VEGFC: variants seen among roughly 807,000 people sequenced by gnomAD.
VEGFC encodes the protein vascular endothelial growth factor C.
In VEGFC, 12 loss-of-function variants were observed where a neutral mutation model predicts 46.1. The ratio of observed to expected loss-of-function variants is 0.26; its 90% confidence interval spans 0.17 to 0.42. VEGFC has a LOEUF of 0.42. Ranked by LOEUF, VEGFC falls within the 10% of genes least tolerant of loss-of-function variation. The pLI is 1.00. For missense variants in VEGFC, 488 were observed against 529.4 expected (o/e 0.92, Z 0.77); for synonymous variants, 232 against 195.5 (o/e 1.19, Z -1.56).
rs1421237635 is a variant in VEGFC at position 176,740,516 on chromosome 4, TAG to T, written c.148-10772_148-10771del. Among the ~76,000 whole-genome samples the T allele has an allele frequency of 3.6e-4, 8 of 22,122 alleles. No individual in the cohort carries two copies. In the Non-Finnish European group the frequency reaches 6.5e-3, roughly 18 times the overall value. 14.5% of individuals were successfully genotyped at this position (22,122 alleles called of 152,430 possible). Reference sequence around the variant, plus strand: ...TATATATAACTATATATTCTATATATAGAGAGTATATATAACTATATATAGAA... The same window carrying T: ...TATATATAACTATATATTCTATATATAGAGTATATATAACTATATATAGAA... On this transcript the variant is annotated intron_variant, in intron 1 of 6. Transcript: ENST00000618562.
At chr4:176,693,927 G>A (rs1734257991) in intron 4 of VEGFC, among the ~76,000 whole-genome samples, 2 of 151,566 alleles carry the variant, frequency 1.3e-5, no homozygotes, top group African/African-American at 4.9e-5. Flanking sequence ...ACAAGCAAAT[G>A]CTGAGAGATT....
intron 4 of VEGFC, among the ~76,000 whole-genome samples, chr4:176,697,296 C>G (rs1734333790): frequency 6.7e-6 from 1 of 148,500 alleles, no homozygotes; most frequent in Non-Finnish European, 1.5e-5. Context: ...AAGAAAAAAA[C>G]AAACAACCCC....
At position 176,683,554 on chromosome 4, in the gene VEGFC, A is replaced by C; in HGVS notation, c.*372T>G. 2 of 162,554 alleles carry C rather than the reference A, an allele frequency of 1.2e-5. No homozygotes were observed. Among genetic ancestry groups the C allele is most frequent in the Non-Finnish European group, 2.7e-5 (2 of 74,424 alleles). The allele number at this position is 162,554 out of a possible 1,614,324, so 10.1% of individuals were successfully genotyped here. On this transcript the variant is annotated 3_prime_UTR_variant, in exon 7 of 7. Coordinates refer to ENST00000618562, the MANE Select transcript of VEGFC (RefSeq NM_005429.5). ...CTTAGCAGCTTATAATACAATTTTCATTTTATTTTAAACATATTTTGCATG... is the reference window on the plus strand; with the variant it reads ...CTTAGCAGCTTATAATACAATTTTCCTTTTATTTTAAACATATTTTGCATG...
At chr4:176,746,979 C>T (rs977251826) in intron 1 of VEGFC, among the ~76,000 whole-genome samples, 1 of 152,068 alleles carries the variant, frequency 6.6e-6, no homozygotes, top group African/African-American at 2.4e-5. Context: ...TAAGAATATG[C>T]AGATAGGGAG....
intron 4 of VEGFC, among the ~76,000 whole-genome samples, chr4:176,700,040 T>G (rs1252700335): frequency 6.6e-6 from 1 of 152,206 alleles, no homozygotes; most frequent in Non-Finnish European, 1.5e-5. Context: ...GTGAGTAGGA[T>G]GAATCAATGA....
chr4:176,710,141 G>T (rs1169061091), intron 4 of VEGFC, among the ~76,000 whole-genome samples: 1 of 152,156 alleles, frequency 6.6e-6, no homozygotes, highest in Admixed American at 6.5e-5. Flanking sequence ...CAAAGCAATA[G>T]AAGATAGATT....
Position 176,687,414 on chromosome 4 carries a change from G to A in VEGFC, c.918C>T (p.Pro306=), listed in dbSNP as rs1579083054. The change falls in exon 6 of 7, where the codon CCC becomes CCT. Residue 306 remains proline (P), a synonymous_variant. Coordinates refer to ENST00000618562, the MANE Select transcript of VEGFC (RefSeq NM_005429.5). ...RAGLRPASCG[P]HKELDRNSCQ... is the part of the protein sequence containing the mutation. ...ATGAGTTTCTGTCTAGTTCTTTGTG[G>A]GGTCCACAGCTGGCAGGCCGAAGCC... The A allele has an allele frequency of 6.2e-7, 1 of 1,614,064 alleles. No homozygotes were observed. Among genetic ancestry groups the A allele is most frequent in the Non-Finnish European group, 8.5e-7 (1 of 1,180,000 alleles).
At position 176,727,922 on chromosome 4, in the gene VEGFC, C is replaced by T; in HGVS notation, c.408G>A (p.Val136=). 5 of 1,613,304 alleles carry T rather than the reference C, an allele frequency of 3.1e-6. No homozygotes were observed. The highest frequency in any genetic ancestry group is 1.7e-5 in the Admixed American group (1 of 59,912). Residue 136 remains valine, a synonymous_variant, in exon 3 of 7, where the codon GTG becomes GTA. Coordinates refer to ENST00000618562, the MANE Select transcript of VEGFC (RefSeq NM_005429.5). ...CAAACTCCTTCCCCACATCTATACA[C>T]ACCTCCCGTGGCATGCATTGAGTCT... ...WRKTQCMPRE[V]CIDVGKEFGV...
intron 1 of VEGFC, among the ~76,000 whole-genome samples, chr4:176,791,756 G>A (rs1165413074): frequency 6.6e-6 from 1 of 152,162 alleles, no homozygotes; most frequent in African/African-American, 2.4e-5. Context: ...TGGGTTGACT[G>A]ATCACCAGTG....
chr4:176,759,327 A>G (rs898537630), intron 1 of VEGFC, among the ~76,000 whole-genome samples: 4 of 136,642 alleles, frequency 2.9e-5, no homozygotes, highest in African/African-American at 6.2e-5. Context: ...AAAGATGAAT[A>G]AAACTAAAGG....
intron 1 of VEGFC, among the ~76,000 whole-genome samples, chr4:176,733,670 C>T (rs1579112203): frequency 6.6e-6 from 1 of 151,836 alleles, no homozygotes; most frequent in East Asian, 1.9e-4. Flanking sequence ...TGTATCTTGA[C>T]TGTGGGGATG....
rs551523763 is a variant in VEGFC, at chr4:176,792,707, A to G, written c.-396T>C. 2,807 of 155,310 alleles carry G rather than the reference A, an allele frequency of 0.018. 72 individuals are homozygous for G. Among genetic ancestry groups the G allele is most frequent in the African/African-American group, 0.064 (2,645 of 41,428 alleles). The allele number at this position is 155,310 out of a possible 1,614,324, so 9.6% of individuals were successfully genotyped here. On this transcript the variant is annotated 5_prime_UTR_variant, in exon 1 of 7. Transcript: ENST00000618562. The surrounding 1 kb of genome is among the most constrained non-coding windows in gnomAD (Gnocchi z 6.3). ...GATGTTCAGCCCCTCCAAACCCGCC[A>G]GAGCCCTCGTCCCCCTCCTCCCTCC...
chr4:176,787,702 T>C (rs1001674084), intron 1 of VEGFC, among the ~76,000 whole-genome samples: 2 of 151,356 alleles, frequency 1.3e-5, no homozygotes, highest in Non-Finnish European at 2.9e-5. Context: ...ACATAAACTC[T>C]GAAAAAAAAA....
intron 1 of VEGFC, among the ~76,000 whole-genome samples, chr4:176,737,922 T>C (rs1735083862): frequency 6.6e-6 from 1 of 151,836 alleles, no homozygotes; most frequent in African/African-American, 2.4e-5. Context: ...TTAATGGTTG[T>C]GATGGTGATA....
intron 6 of VEGFC, among the ~76,000 whole-genome samples, chr4:176,684,765 G>A (rs1211660559): frequency 3.9e-5 from 6 of 152,234 alleles, no homozygotes; most frequent in East Asian, 1.9e-4. Context: ...TTGTTCTGTC[G>A]CCCAGGCTGG....
intron 3 of VEGFC, among the ~76,000 whole-genome samples, chr4:176,723,928 A>C (rs1318461787): frequency 4.1e-5 from 5 of 121,212 alleles, no homozygotes; most frequent in African/African-American, 6.3e-5. Flanking sequence ...AGGTTTGTTA[A>C]ATAGGTAAAC....
intron 3 of VEGFC, among the ~76,000 whole-genome samples, chr4:176,720,675 A>C (rs1257179788): frequency 6.6e-6 from 1 of 151,670 alleles, no homozygotes; most frequent in East Asian, 1.9e-4. Flanking sequence ...CCCCATCTCT[A>C]CTACAAATAC....
At chr4:176,745,374 T>C (rs1735243638) in intron 1 of VEGFC, among the ~76,000 whole-genome samples, 1 of 152,104 alleles carries the variant, frequency 6.6e-6, no homozygotes, top group Non-Finnish European at 1.5e-5. Flanking sequence ...TCCATGTGAT[T>C]AGATCTCGGG....
chr4:176,694,683 T>C (rs1734275669), intron 4 of VEGFC, among the ~76,000 whole-genome samples: 1 of 147,522 alleles, frequency 6.8e-6, no homozygotes, highest in Non-Finnish European at 1.5e-5. Context: ...TATATTTTTT[T>C]CAGCACCACA....
Sources: allele counts gnomAD v4.1 joint callset (sites outside exome capture counted in the v4.1 genomes callset), GRCh38; gene constraint gnomAD v4.1.1; non-coding constraint Gnocchi (gnomAD v3.1); transcripts MANE v1.5; gene names NCBI Gene and HGNC (gene_info 2026-07-23, HGNC 2026-07-21).